Variants in B3GALT1 observed in about 807,000 individuals in gnomAD.
B3GALT1 encodes the protein UDP-Gal:betaGlcNAc beta 1,3-galactosyltransferase, polypeptide 1.
B3GALT1 carries 10 observed loss-of-function variants against 23.2 expected under a neutral mutation model. The ratio of observed to expected loss-of-function variants is 0.43; its 90% confidence interval spans 0.27 to 0.73. The LOEUF is 0.73. B3GALT1 is among the 30% of genes least tolerant of loss of function. The probability of loss-of-function intolerance (pLI) is 0.21; values close to 1 mark genes in which losing one functional copy is unlikely to be tolerated. For synonymous variants in B3GALT1, 156 were observed against 141.5 expected, an observed-to-expected ratio of 1.10 and a Z score of -0.73; for missense variants, 299 against 405.4, an observed-to-expected ratio of 0.74 and a Z score of 2.25.
chr2:167,627,967 G>A (rs939311682), intron 2 of B3GALT1, among the ~76,000 whole-genome samples: 1 of 151,524 alleles, frequency 6.6e-6, no homozygotes, highest in African/African-American at 2.4e-5. Flanking sequence ...TTTGAATGAC[G>A]TTTGATGTGC....
At chr2:167,473,494 G>A (rs887251474) in intron 1 of B3GALT1, among the ~76,000 whole-genome samples, 1 of 152,082 alleles carries the variant, frequency 6.6e-6, no homozygotes, top group Admixed American at 6.6e-5. Flanking sequence ...GGTGACAGTG[G>A]ATCATTAGGA....
chr2:167,537,356 G>A (rs1683446299), intron 2 of B3GALT1, among the ~76,000 whole-genome samples: 1 of 152,068 alleles, frequency 6.6e-6, no homozygotes, highest in Non-Finnish European at 1.5e-5. Context: ...AGATTTGGGT[G>A]GGGACACAGC....
intron 2 of B3GALT1, among the ~76,000 whole-genome samples, chr2:167,621,688 A>G (rs934654866): frequency 1.3e-5 from 2 of 152,026 alleles, no homozygotes; most frequent in Non-Finnish European, 2.9e-5. Context: ...GAGGTAATTG[A>G]ATCATGGGAG....
chr2:167,338,043 A>G (rs73017746), intron 1 of B3GALT1, among the ~76,000 whole-genome samples: 2,031 of 152,288 alleles, frequency 0.013, 27 homozygotes, highest in Admixed American at 0.035. Flanking sequence ...TGAAAGAAAC[A>G]CTGAATATTA....
intron 1 of B3GALT1, among the ~76,000 whole-genome samples, chr2:167,442,369 T>C (rs1698908966): frequency 6.6e-6 from 1 of 152,196 alleles, no homozygotes; most frequent in Non-Finnish European, 1.5e-5. Flanking sequence ...AGCATCATGA[T>C]TTATAGTCCT....
chr2:167,656,352 C>G (rs1263830343), intron 3 of B3GALT1, among the ~76,000 whole-genome samples: 1 of 152,080 alleles, frequency 6.6e-6, no homozygotes, highest in Admixed American at 6.6e-5. Flanking sequence ...TGACAAAGAG[C>G]AAAAACAAGC....
intron 1 of B3GALT1, among the ~76,000 whole-genome samples, chr2:167,407,740 A>T (rs907938741): frequency 1.3e-5 from 2 of 152,132 alleles, no homozygotes; most frequent in Non-Finnish European, 2.9e-5. Context: ...CCTAGAAGTA[A>T]TGCATATATT....
rs80196290 is a variant in B3GALT1, at chr2:167,768,786, A to C, written c.-351-49886A>C. 4.9e-4 allele frequency among the ~76,000 whole-genome samples: 75 copies of C among 152,318 alleles called. 1 individual carries two copies. In the East Asian group the frequency reaches 0.014, roughly 29 times the overall value. On this transcript the variant is annotated intron_variant, in intron 3 of 4. Transcript: ENST00000392690. The stretch of plus-strand genomic sequence containing the variant: ...TTTTAAATGCACTTAAGGTTGCCTA[A>C]AGTGTATGAGAGACATTCGGAAATC...
chr2:167,424,094 C>T (rs190026219), intron 1 of B3GALT1, among the ~76,000 whole-genome samples: 2 of 152,286 alleles, frequency 1.3e-5, no homozygotes, highest in East Asian at 1.9e-4. Context: ...GATTCAACGT[C>T]TCTAATCATT....
At chr2:167,371,458 G>T (rs1697683483) in intron 1 of B3GALT1, among the ~76,000 whole-genome samples, 1 of 152,066 alleles carries the variant, frequency 6.6e-6, no homozygotes, top group African/African-American at 2.4e-5. Context: ...CATATATAAT[G>T]AGAAAGTCGA....
chr2:167,871,896 T>A lies in B3GALT1; in HGVS notation c.*1876T>A. The A allele has an allele frequency of 8.3e-6, 1 of 120,818 alleles. No individual in the cohort carries two copies. Among genetic ancestry groups the A allele is most frequent in the South Asian group, 3.1e-4 (1 of 3,262 alleles). 7.5% of individuals were successfully genotyped at this position (120,818 alleles called of 1,614,324 possible). On this transcript the variant is annotated 3_prime_UTR_variant, in exon 5 of 5. Transcript: ENST00000392690. ...GTACCTTTTTTATTTATTTACTTTT[T>A]TTTTTTTTTTTTTTTTTTTTTTTGA...
chr2:167,739,803 G>A (rs4667970), intron 3 of B3GALT1, among the ~76,000 whole-genome samples: 86,004 of 151,560 alleles, frequency 0.57, 24,802 homozygotes, highest in Non-Finnish European at 0.63. Context: ...TTTAAAAGCA[G>A]TTCTAGGCCA....
At chr2:167,595,098 A>G (rs1684754096) in intron 2 of B3GALT1, among the ~76,000 whole-genome samples, 2 of 152,132 alleles carry the variant, frequency 1.3e-5, no homozygotes, top group Admixed American at 1.3e-4. Flanking sequence ...ACAGGAAAGC[A>G]AATGTGGAGC....
At chr2:167,649,508 A>C (rs903331431) in intron 3 of B3GALT1, among the ~76,000 whole-genome samples, 1 of 152,080 alleles carries the variant, frequency 6.6e-6, no homozygotes, top group African/African-American at 2.4e-5. Flanking sequence ...GATTTCTAAG[A>C]ATTTACAAAT....
intron 3 of B3GALT1, among the ~76,000 whole-genome samples, chr2:167,744,014 T>C (rs1306432060): frequency 1.3e-5 from 2 of 152,192 alleles, no homozygotes; most frequent in African/African-American, 4.8e-5. Flanking sequence ...TTTTGATTTA[T>C]GAGTTATTCA....
intron 2 of B3GALT1, among the ~76,000 whole-genome samples, chr2:167,609,778 T>C (rs1253805469): frequency 6.6e-6 from 1 of 152,120 alleles, no homozygotes; most frequent in Non-Finnish European, 1.5e-5. Flanking sequence ...ATTCCCCTAA[T>C]TGAATTTTTG....
intron 4 of B3GALT1, among the ~76,000 whole-genome samples, chr2:167,850,979 C>T (rs1689873669): frequency 6.6e-6 from 1 of 151,820 alleles, no homozygotes. Context: ...ATAATAAATA[C>T]AAAAATAAAT....
chr2:167,319,257 G>T (rs1696765869), intron 1 of B3GALT1, among the ~76,000 whole-genome samples: 1 of 152,056 alleles, frequency 6.6e-6, no homozygotes, highest in African/African-American at 2.4e-5. Context: ...CTGCATGTAA[G>T]TATCTCTAAA....
intron 2 of B3GALT1, among the ~76,000 whole-genome samples, chr2:167,626,151 T>G (rs1039930562): frequency 4.0e-5 from 6 of 151,150 alleles, no homozygotes; most frequent in African/African-American, 1.5e-4. Context: ...TAAAAACTAT[T>G]TAAGTAAATA....
Sources: allele counts gnomAD v4.1 joint callset (sites outside exome capture counted in the v4.1 genomes callset), GRCh38; gene constraint gnomAD v4.1.1; transcripts MANE v1.5; gene names NCBI Gene and HGNC (gene_info 2026-07-23, HGNC 2026-07-21).